The following TNRC6B variants were observed in gnomAD, a reference collection of about 807,000 sequenced individuals.
TNRC6B encodes the protein trinucleotide repeat containing adaptor 6B.
Under a neutral mutation model 203.6 loss-of-function variants are expected in TNRC6B, and 52 were observed. That is an observed-to-expected ratio of 0.26 (90% CI 0.20 to 0.32). The LOEUF (loss-of-function observed/expected upper bound fraction) is 0.32, where lower values mean the gene tolerates loss of function less well. Among genes scored for constraint, TNRC6B ranks in the 10% least tolerant of loss-of-function variants. The pLI is 1.00. For synonymous variants in TNRC6B, 838 were observed against 845.7 expected (o/e 0.99, Z 0.16); for missense variants, 1,923 against 2,286.2 (o/e 0.84, Z 3.24).
intron 3 of TNRC6B, among the ~76,000 whole-genome samples, chr22:40,257,198 AT>A (rs1416870530): frequency 2.0e-5 from 3 of 152,226 alleles, no homozygotes; most frequent in Admixed American, 1.3e-4. Context: ...GTTAAAGGAA[AT>A]AATAGTTTGT....
intron 1 of TNRC6B, among the ~76,000 whole-genome samples, chr22:40,184,189 G>A (rs2069173103): frequency 6.6e-6 from 1 of 152,184 alleles, no homozygotes; most frequent in Admixed American, 6.5e-5. Context: ...TCACATGCCA[G>A]GTGTTGATAA....
chr22:40,046,318 G>A (rs765690125), intron 1 of TNRC6B, among the ~76,000 whole-genome samples: 2 of 152,202 alleles, frequency 1.3e-5, no homozygotes, highest in Non-Finnish European at 2.9e-5. Flanking sequence ...TCTACAGCGC[G>A]CAGCATTGCT....
rs2071468966 is a variant in TNRC6B at position 40,331,688 on chromosome 22, C to T, written c.*8447C>T. The T allele has an allele frequency of 5.2e-6, 1 of 193,524 alleles. No individual in the cohort carries two copies. The highest frequency in any genetic ancestry group is 9.4e-5 in the East Asian group (1 of 10,664). 12.0% of individuals were successfully genotyped at this position (193,524 alleles called of 1,614,324 possible). ...TTTTTTTTCAAAAAAAAAAGTCCCA[C>T]ATGTGGTCATCGTCGCTTCTTTATG... is the stretch of plus-strand genomic sequence containing the variant. On this transcript the variant is annotated 3_prime_UTR_variant, in exon 23 of 23. Transcript: ENST00000454349.
chr22:40,224,123 C>G (rs2069751804), intron 1 of TNRC6B, among the ~76,000 whole-genome samples: 1 of 152,132 alleles, frequency 6.6e-6, no homozygotes, highest in African/African-American at 2.4e-5. Context: ...TCTCGTGCCT[C>G]AGCCTCTCGT....
upstream of TNRC6B, chr22:40,177,794 G>GT: frequency 1.1e-5 from 14 of 1,255,582 alleles, no homozygotes; most frequent in South Asian, 3.0e-5. Context: ...ACAAATGAAA[G>GT]TGAGTGGAAA....
At chr22:40,095,402 A>C (rs1181797935) in intron 1 of TNRC6B, among the ~76,000 whole-genome samples, 1 of 152,142 alleles carries the variant, frequency 6.6e-6, no homozygotes, top group African/African-American at 2.4e-5. Flanking sequence ...AGTGAGGTAT[A>C]AAAGGTGTGC....
chr22:40,116,630 A>G (rs1243243517), intron 1 of TNRC6B, among the ~76,000 whole-genome samples: 1 of 151,576 alleles, frequency 6.6e-6, no homozygotes, highest in African/African-American at 2.4e-5. Flanking sequence ...TAGATCTGAG[A>G]AACAGATTTT....
intron 2 of TNRC6B, among the ~76,000 whole-genome samples, chr22:40,125,361 T>C (rs2068481178): frequency 6.6e-6 from 1 of 152,170 alleles, no homozygotes; most frequent in African/African-American, 2.4e-5. Flanking sequence ...CCAATAGCCT[T>C]AGCCTAATAC....
At chr22:40,321,597 C>T in intron 22 of TNRC6B, 1 of 194,722 alleles carries the variant, frequency 5.1e-6, no homozygotes, top group East Asian at 1.2e-4. Flanking sequence ...ACCATCTTGG[C>T]CAACATGGTA....
At chr22:40,289,438 C>G (rs1321846849) in intron 12 of TNRC6B, among the ~76,000 whole-genome samples, 2 of 152,094 alleles carry the variant, frequency 1.3e-5, no homozygotes, top group African/African-American at 2.4e-5. Flanking sequence ...AATTAACCTT[C>G]TTGTGGAAGT....
chr22:40,276,922 A>G (rs2070652600), intron 7 of TNRC6B, 155 bp from the exon 8 acceptor site: 1 of 480,610 alleles, frequency 2.1e-6, no homozygotes, highest in Admixed American at 4.2e-5. Flanking sequence ...CTTATTAATC[A>G]TTTAAACTAA....
Position 40,280,888 on chromosome 22 carries a change from A to G in TNRC6B, c.3412-231A>G, listed in dbSNP as rs533625858. 2.6e-5 allele frequency among the ~76,000 whole-genome samples: 4 copies of G among 152,346 alleles called. No homozygotes were observed. The South Asian group carries it at 8.3e-4, about 32-fold the overall frequency. On this transcript the variant is annotated intron_variant, in intron 10 of 22. Coordinates refer to ENST00000454349, the MANE Select transcript of TNRC6B (RefSeq NM_001162501.2). ...CAATTTTTATTGTAATGCAATGGAC[A>G]GAACGTGTTACTAACTTAGAGGAAA...
chr22:40,045,008 G>A (rs1569241561), intron 1 of TNRC6B: 2 of 150,222 alleles, frequency 1.3e-5, no homozygotes, highest in South Asian at 2.1e-4. Context: ...GGTGAGTGAG[G>A]TGCGGCGGCC....
intron 4 of TNRC6B, among the ~76,000 whole-genome samples, chr22:40,170,974 T>C (rs1248818148): frequency 6.8e-6 from 1 of 147,274 alleles, no homozygotes; most frequent in African/African-American, 2.5e-5. Flanking sequence ...CATATACCTG[T>C]ATATGTACAT....
At position 40,081,854 on chromosome 22, in the gene TNRC6B, G is replaced by A. The variant is rs143327835; in HGVS notation, c.-120-35201G>A. Among the ~76,000 whole-genome samples, 626 of 151,456 alleles carry A rather than the reference G, an allele frequency of 4.1e-3. 4 individuals are homozygous for A. The highest frequency in any genetic ancestry group is 0.017 in the Middle Eastern group (5 of 292). ...TCAATACTTAGCCAAGAGCCTAGCC[G>A]CCAGTAGGCTGATGAATAAATTAAC... is the stretch of plus-strand genomic sequence containing the variant. On this transcript the variant is annotated intron_variant, in intron 1 of 23. Coordinates refer to the TNRC6B transcript ENST00000301923.
At chr22:40,318,751 A>G (rs1264514779) in intron 21 of TNRC6B, among the ~76,000 whole-genome samples, 1 of 152,068 alleles carries the variant, frequency 6.6e-6, no homozygotes, top group East Asian at 1.9e-4. Context: ...GGGCAGGCCA[A>G]TCGGCTGTTC....
chr22:40,317,713 C>T (rs1737550816), intron 21 of TNRC6B, among the ~76,000 whole-genome samples: 1 of 152,188 alleles, frequency 6.6e-6, no homozygotes, highest in African/African-American at 2.4e-5. Flanking sequence ...GCTTCATTTG[C>T]ACCAAGCCAC....
intron 2 of TNRC6B, among the ~76,000 whole-genome samples, chr22:40,120,959 A>C (rs1369351833): frequency 6.6e-6 from 1 of 152,208 alleles, no homozygotes; most frequent in Non-Finnish European, 1.5e-5. Flanking sequence ...AAGGGAGAGA[A>C]AAGGGCTGGA....
intron 1 of TNRC6B, among the ~76,000 whole-genome samples, chr22:40,046,937 G>T (rs1160377886): frequency 4.6e-5 from 7 of 152,078 alleles, no homozygotes; most frequent in Non-Finnish European, 8.8e-5. Context: ...GAGCCACCGC[G>T]CCCGGCCTTA....
Sources: gnomAD v4.1 joint callset for allele counts (sites outside exome capture counted in the v4.1 genomes callset) on GRCh38, gnomAD v4.1.1 for gene constraint, MANE v1.5 for transcripts, NCBI Gene and HGNC (gene_info 2026-07-23, HGNC 2026-07-21) for gene names.